The following RGL1 variants were observed in gnomAD, a reference collection of about 807,000 sequenced individuals.
RGL1 encodes the protein ral guanine nucleotide dissociation stimulator-like 1.
A neutral mutation model predicts 95.2 loss-of-function variants in RGL1; 24 were observed. The observed-to-expected ratio is 0.25, with a 90% CI of 0.18 to 0.35. The LOEUF is 0.35. RGL1 is among the 10% of genes least tolerant of loss of function. The pLI is 1.00. For synonymous variants in RGL1, 329 were observed against 344.9 expected, an observed-to-expected ratio of 0.95 and a Z score of 0.51; for missense variants, 715 against 936.3, an observed-to-expected ratio of 0.76 and a Z score of 3.08.
intron 4 of RGL1, among the ~76,000 whole-genome samples, chr1:183,874,452 C>G (rs1666366736): frequency 6.6e-6 from 1 of 152,132 alleles, no homozygotes; most frequent in African/African-American, 2.4e-5. Context: ...CTCACATTTA[C>G]TGTCTTTCTG....
chr1:183,803,211 G>A (rs1242966924), upstream of RGL1, among the ~76,000 whole-genome samples: 3 of 152,162 alleles, frequency 2.0e-5, no homozygotes, highest in Non-Finnish European at 4.4e-5. Flanking sequence ...ATTTCCTAGT[G>A]TTGCATACAT....
At chr1:183,788,919 C>G (rs1660311125) in intron 2 of RGL1, among the ~76,000 whole-genome samples, 2 of 152,212 alleles carry the variant, frequency 1.3e-5, no homozygotes, top group African/African-American at 4.8e-5. Context: ...CTCTCTTCCC[C>G]TACCCACCCC....
At chr1:183,790,923 TAC>T (rs66642623) in intron 2 of RGL1, among the ~76,000 whole-genome samples, 25 of 150,344 alleles carry the variant, frequency 1.7e-4, no homozygotes, top group East Asian at 7.9e-4. Flanking sequence ...CATGTATGTG[TAC>T]ACACACACAC....
At chr1:183,706,835 G>T (rs999293160) in intron 1 of RGL1, among the ~76,000 whole-genome samples, 1 of 152,212 alleles carries the variant, frequency 6.6e-6, no homozygotes, top group East Asian at 1.9e-4. Flanking sequence ...AGAAGGTCTC[G>T]TGTGGTTTGA....
intron 2 of RGL1, among the ~76,000 whole-genome samples, chr1:183,755,745 T>G (rs952173011): frequency 6.6e-6 from 1 of 152,186 alleles, no homozygotes; most frequent in African/African-American, 2.4e-5. Flanking sequence ...AATCAGTCAT[T>G]GCCATACAGT....
chr1:183,763,527 C>T (rs753468803), intron 2 of RGL1, among the ~76,000 whole-genome samples: 1 of 152,160 alleles, frequency 6.6e-6, no homozygotes, highest in Non-Finnish European at 1.5e-5. Context: ...TGTCATAATC[C>T]ATCTTTATGT....
chr1:183,872,503 C>T (rs1232979577), intron 4 of RGL1, among the ~76,000 whole-genome samples: 1 of 152,190 alleles, frequency 6.6e-6, no homozygotes, highest in African/African-American at 2.4e-5. Flanking sequence ...AGTACTACTT[C>T]AAATTGTTGA....
At chr1:183,918,268 G>A (rs141101789) in intron 16 of RGL1, among the ~76,000 whole-genome samples, 1 of 152,172 alleles carries the variant, frequency 6.6e-6, no homozygotes, top group Non-Finnish European at 1.5e-5. Context: ...AACCCCACAG[G>A]GGGGACGTGG....
At chr1:183,821,112 G>A (rs533987900) in intron 2 of RGL1, among the ~76,000 whole-genome samples, 38 of 151,854 alleles carry the variant, frequency 2.5e-4, no homozygotes, top group African/African-American at 8.0e-4. Context: ...CAGCCTGGGC[G>A]ACAAGAGCGA....
chr1:183,686,787 C>T (rs758159760), intron 1 of RGL1, among the ~76,000 whole-genome samples: 10 of 152,036 alleles, frequency 6.6e-5, no homozygotes, highest in Admixed American at 1.3e-4. Flanking sequence ...CCCTGCCTTC[C>T]CCCCTGAGCA....
chr1:183,717,892 A>T (rs575791049), intron 1 of RGL1, among the ~76,000 whole-genome samples: 12 of 152,208 alleles, frequency 7.9e-5, no homozygotes, highest in Non-Finnish European at 1.6e-4. Context: ...GAGCAAATAC[A>T]TCCTCTCAGG....
intron 3 of RGL1, among the ~76,000 whole-genome samples, chr1:183,855,233 C>G (rs564945209): frequency 4.5e-4 from 68 of 152,330 alleles, no homozygotes; most frequent in African/African-American, 1.6e-3. Flanking sequence ...CTCGTGTCAT[C>G]ACTGTCAAGG....
intron 3 of RGL1, among the ~76,000 whole-genome samples, chr1:183,865,504 T>C (rs1665770993): frequency 6.6e-6 from 1 of 152,186 alleles, no homozygotes; most frequent in Admixed American, 6.5e-5. Flanking sequence ...AACGGACTTA[T>C]TTTCAAGGAG....
At chr1:183,702,711 G>A (rs752360204) in intron 1 of RGL1, among the ~76,000 whole-genome samples, 2 of 152,180 alleles carry the variant, frequency 1.3e-5, no homozygotes, top group African/African-American at 2.4e-5. Context: ...GCAGGCATTC[G>A]AGGCTGGACC....
intron 13 of RGL1, 67 bp downstream of exon 13, chr1:183,905,038 C>A (rs746059300): frequency 5.8e-6 from 9 of 1,549,012 alleles, no homozygotes; most frequent in Admixed American, 2.0e-5. Context: ...GCATTTAATA[C>A]CTCGCTGGGT....
chr1:183,723,356 G>A (rs1257341170), intron 1 of RGL1, among the ~76,000 whole-genome samples: 2 of 152,208 alleles, frequency 1.3e-5, no homozygotes, highest in Non-Finnish European at 2.9e-5. Flanking sequence ...CTGAAAATCA[G>A]TTGAGTGACC....
chr1:183,639,387 A>G (rs966136872), intron 1 of RGL1, among the ~76,000 whole-genome samples: 1 of 152,106 alleles, frequency 6.6e-6, no homozygotes, highest in African/African-American at 2.4e-5. Flanking sequence ...CAAATATGTA[A>G]AATGTATTAT....
At chr1:183,698,971 G>A (rs1230319214) in intron 1 of RGL1, among the ~76,000 whole-genome samples, 1 of 152,240 alleles carries the variant, frequency 6.6e-6, no homozygotes, top group Non-Finnish European at 1.5e-5. Context: ...CAGGAACAAA[G>A]TGTACAAAAA....
intron 2 of RGL1, among the ~76,000 whole-genome samples, chr1:183,809,437 A>T (rs1661552139): frequency 6.6e-6 from 1 of 152,340 alleles, no homozygotes; most frequent in Admixed American, 6.5e-5. Context: ...TCCCAGGCCC[A>T]GTTTACTTGT....
Sources: allele counts gnomAD v4.1 joint callset (sites outside exome capture counted in the v4.1 genomes callset), GRCh38; gene constraint gnomAD v4.1.1; transcripts MANE v1.5; gene names NCBI Gene and HGNC (gene_info 2026-07-23, HGNC 2026-07-21).